The following SLC28A1 variants were observed in gnomAD, a reference collection of about 807,000 sequenced individuals.
SLC28A1 encodes solute carrier family 28 member 1.
Under a neutral mutation model 74.8 loss-of-function variants are expected in SLC28A1, and 64 were observed. That is an observed-to-expected ratio of 0.86 (90% CI 0.70 to 1.05). The LOEUF is 1.05. Ranked by LOEUF, SLC28A1 falls within the 50% of genes least tolerant of loss-of-function variation. The probability of loss-of-function intolerance (pLI) is 0.00; values close to 1 mark genes in which losing one functional copy is unlikely to be tolerated. For missense variants in SLC28A1, 828 were observed against 822.8 expected (o/e 1.01, Z -0.08); for synonymous variants, 359 against 335.0 (o/e 1.07, Z -0.78).
intron 4 of SLC28A1, 47 bp from the exon 5 acceptor site, chr15:84,890,396 A>T (rs758908855): frequency 7.3e-7 from 1 of 1,375,558 alleles, no homozygotes. Flanking sequence ...TCTCCCCCAG[A>T]TGGGGTCTGC....
At chr15:84,943,584 G>A (rs768432056) in intron 16 of SLC28A1, 58 bp downstream of exon 16, 62 of 1,272,796 alleles carry the variant, frequency 4.9e-5, no homozygotes, top group Middle Eastern at 3.7e-4. Context: ...GAACTTGCTC[G>A]GGACATGTAG....
chr15:84,915,543 C>A (rs548984804), intron 9 of SLC28A1, among the ~76,000 whole-genome samples: 1 of 152,286 alleles, frequency 6.6e-6, no homozygotes, highest in East Asian at 1.9e-4. Context: ...GTGGTCTCCC[C>A]TTCTTCATGT....
chr15:84,901,114 C>T (rs1024546301), intron 6 of SLC28A1, among the ~76,000 whole-genome samples: 4 of 152,070 alleles, frequency 2.6e-5, no homozygotes, highest in African/African-American at 9.7e-5. Flanking sequence ...CCCAGCTACT[C>T]AGGAGGCTGA....
intron 12 of SLC28A1, chr15:84,926,411 C>G (rs1434055614): frequency 3.5e-6 from 1 of 283,300 alleles, no homozygotes; most frequent in Non-Finnish European, 6.9e-6. Context: ...CTATGTTGCT[C>G]AGGCTGGTCT....
the SLC28A1 span, among the ~76,000 whole-genome samples, chr15:84,951,523 G>A: frequency 6.6e-6 from 1 of 152,038 alleles, no homozygotes; most frequent in South Asian, 2.1e-4. Context: ...TATGTGAGAG[G>A]GGAATAAGTT....
the SLC28A1 span, among the ~76,000 whole-genome samples, chr15:84,954,986 A>T: frequency 6.6e-6 from 1 of 152,026 alleles, no homozygotes; most frequent in Non-Finnish European, 1.5e-5. Flanking sequence ...TCGCTGGGAC[A>T]CTCACTCTTA....
the SLC28A1 span, chr15:84,975,555 G>T: frequency 3.9e-5 from 18 of 456,188 alleles, no homozygotes; most frequent in Admixed American, 2.8e-4. Flanking sequence ...GTGTTTTCGT[G>T]CTTCATTGTT....
At chr15:84,961,605 T>A in the SLC28A1 span, 1 of 428,872 alleles carries the variant, frequency 2.3e-6, no homozygotes, top group Admixed American at 2.5e-5. Context: ...CTTCCCAAAG[T>A]GCTGGGATTA....
At chr15:84,904,638 T>A (rs1478825579) in intron 7 of SLC28A1, among the ~76,000 whole-genome samples, 1 of 152,074 alleles carries the variant, frequency 6.6e-6, no homozygotes, top group East Asian at 1.9e-4. Context: ...CAAAGTCTGC[T>A]CCCCAGTCCA....
At chr15:84,907,551 G>A (rs1967424822) in intron 8 of SLC28A1, among the ~76,000 whole-genome samples, 1 of 152,048 alleles carries the variant, frequency 6.6e-6, no homozygotes, top group Middle Eastern at 3.2e-3. Flanking sequence ...CATCACTCAG[G>A]CTGGAGTGCA....
At chr15:84,888,677 C>T in intron 3 of SLC28A1, 95 bp from the exon 4 acceptor site, 1 of 815,210 alleles carries the variant, frequency 1.2e-6, no homozygotes, top group Non-Finnish European at 2.1e-6. Flanking sequence ...GTCCCCTCCT[C>T]AGCCAGGGTC....
At chr15:84,892,086 C>T (rs111385091) in intron 5 of SLC28A1, among the ~76,000 whole-genome samples, 1,687 of 152,038 alleles carry the variant, frequency 0.011, 40 homozygotes, top group African/African-American at 0.039. Context: ...CCTGTAATCC[C>T]AGCACTTTGG....
chr15:84,901,785 T>G (rs1440298627), intron 6 of SLC28A1, among the ~76,000 whole-genome samples: 1 of 152,212 alleles, frequency 6.6e-6, no homozygotes, highest in Non-Finnish European at 1.5e-5. Flanking sequence ...ATTGCACAAT[T>G]GCTGTAGAAA....
the SLC28A1 span, among the ~76,000 whole-genome samples, chr15:84,960,401 G>C: frequency 6.6e-6 from 1 of 152,068 alleles, no homozygotes; most frequent in East Asian, 1.9e-4. Flanking sequence ...TGGATTATGG[G>C]CATGTGCCAC....
chr15:84,948,818 A>G (rs967652942), downstream of SLC28A1, among the ~76,000 whole-genome samples: 1 of 151,964 alleles, frequency 6.6e-6, no homozygotes, highest in African/African-American at 2.4e-5. Flanking sequence ...CAAGATAATA[A>G]CCTCACGCCT....
At chr15:84,919,991 A>G (rs1969604765) in intron 10 of SLC28A1, among the ~76,000 whole-genome samples, 2 of 152,154 alleles carry the variant, frequency 1.3e-5, no homozygotes, top group Non-Finnish European at 1.5e-5. Flanking sequence ...CCCTCCACAA[A>G]ATGGTTGAAG....
At chr15:84,899,993 G>A (rs1247269384) in intron 6 of SLC28A1, among the ~76,000 whole-genome samples, 3 of 97,176 alleles carry the variant, frequency 3.1e-5, no homozygotes, top group East Asian at 3.6e-4. Context: ...GGAAGGAAAA[G>A]AAAAAGGCAG....
At chr15:84,933,555 C>G (rs1243376683) in intron 13 of SLC28A1, among the ~76,000 whole-genome samples, 3 of 152,130 alleles carry the variant, frequency 2.0e-5, no homozygotes, top group African/African-American at 7.2e-5. Context: ...CTGGCGAGAG[C>G]CTTCTTGCTG....
intron 4 of SLC28A1, among the ~76,000 whole-genome samples, chr15:84,889,090 C>T (rs1964964102): frequency 6.6e-6 from 1 of 152,210 alleles, no homozygotes; most frequent in African/African-American, 2.4e-5. Context: ...CCATCAGGAA[C>T]CCCAGTATGT....
Sources: gnomAD v4.1 joint callset for allele counts (sites outside exome capture counted in the v4.1 genomes callset) on GRCh38, gnomAD v4.1.1 for gene constraint, MANE v1.5 for transcripts, NCBI Gene and HGNC (gene_info 2026-07-23, HGNC 2026-07-21) for gene names.